RALGAPA2: variants seen among roughly 807,000 people sequenced by gnomAD.
The protein encoded by RALGAPA2 is Ral GTPase activating protein catalytic subunit alpha 2.
A neutral mutation model predicts 230.4 loss-of-function variants in RALGAPA2; 139 were observed. The ratio of observed to expected loss-of-function variants is 0.60; its 90% CI spans 0.53 to 0.69. RALGAPA2 has a LOEUF of 0.69. Ranked by LOEUF, RALGAPA2 falls within the 30% of genes least tolerant of loss-of-function variation. The pLI is 0.00. For missense variants in RALGAPA2, 2,163 were observed against 2,276.0 expected (o/e 0.95, Z 1.01); for synonymous variants, 847 against 837.8 (o/e 1.01, Z -0.19).
chr20:20,499,516 T>C (rs367647333), intron 35 of RALGAPA2, among the ~76,000 whole-genome samples: 3 of 152,210 alleles, frequency 2.0e-5, no homozygotes, highest in Non-Finnish European at 1.5e-5. Context: ...AGGATCCTGG[T>C]AAGCTACACT....
intron 36 of RALGAPA2, among the ~76,000 whole-genome samples, chr20:20,481,887 G>T (rs1179233433): frequency 2.0e-5 from 3 of 152,104 alleles, no homozygotes; most frequent in Non-Finnish European, 4.4e-5. Flanking sequence ...GTGACTAAAA[G>T]GTTCAAATGC....
chr20:20,412,024 C>T lies in RALGAPA2; in HGVS notation c.5617+3G>A. The T allele has an allele frequency of 6.2e-7, 1 of 1,613,944 alleles. No individual in the cohort carries two copies. The highest frequency in any genetic ancestry group is 8.5e-7 in the Non-Finnish European group (1 of 1,179,836). On this transcript the variant is annotated splice_donor_region_variant and intron_variant, in intron 38 of 39. Coordinates refer to ENST00000202677, the MANE Select transcript of RALGAPA2 (RefSeq NM_020343.4). The stretch of plus-strand genomic sequence containing the variant: ...GTGAGAGAAGAATAATGTAGACACT[C>T]ACCCGTTCCGCTGAGGGAGTAGCTG...
At position 20,617,535 on chromosome 20, in the gene RALGAPA2, T is replaced by C. The variant is rs372612366; in HGVS notation, c.1540-1344A>G. ...TATATTGCAACACAGATCCTTTTAA[T>C]TCAATGTATTTGGCTTCTTGAATAT... On this transcript the variant is annotated intron_variant, in intron 12 of 39. Coordinates refer to ENST00000202677, the MANE Select transcript of RALGAPA2 (RefSeq NM_020343.4). Among the ~76,000 whole-genome samples, 27 of 152,352 alleles carry C rather than the reference T, an allele frequency of 1.8e-4. 3 individuals carry two copies. Among genetic ancestry groups the C allele is most frequent in the African/African-American group, 6.5e-4 (27 of 41,596 alleles).
chr20:20,499,634 C>T (rs755711571), intron 35 of RALGAPA2, among the ~76,000 whole-genome samples: 7 of 152,304 alleles, frequency 4.6e-5, no homozygotes, highest in Non-Finnish European at 7.4e-5. Flanking sequence ...TCCTCCAAGA[C>T]GTGTGGGAAC....
At chr20:20,393,677 A>G (rs1297896778) in intron 39 of RALGAPA2, among the ~76,000 whole-genome samples, 2 of 152,240 alleles carry the variant, frequency 1.3e-5, no homozygotes, top group Admixed American at 1.3e-4. Context: ...ACGTGTTTAC[A>G]TATCGATATT....
chr20:20,456,830 T>C (rs1331592045), intron 37 of RALGAPA2, among the ~76,000 whole-genome samples: 2 of 151,946 alleles, frequency 1.3e-5, no homozygotes, highest in African/African-American at 2.4e-5. Flanking sequence ...AAAATCTTTA[T>C]AAAGTTCCTT....
chr20:20,598,855 G>A (rs942670314), intron 16 of RALGAPA2: 5 of 440,920 alleles, frequency 1.1e-5, no homozygotes, highest in African/African-American at 1.0e-4. Flanking sequence ...TATGTCAGAA[G>A]AACAATAGGA....
intron 28 of RALGAPA2, 97 bp downstream of exon 28, chr20:20,526,154 GT>G: frequency 1.0e-6 from 1 of 954,804 alleles, no homozygotes; most frequent in Non-Finnish European, 1.5e-6. Context: ...TTAATAGTTG[GT>G]TCTCTAACAA....
At chr20:20,426,495 A>G (rs1010000603) in intron 37 of RALGAPA2, among the ~76,000 whole-genome samples, 1 of 152,204 alleles carries the variant, frequency 6.6e-6, no homozygotes, top group Non-Finnish European at 1.5e-5. Flanking sequence ...CTGTTTGCTA[A>G]CGAGTCTCTG....
At chr20:20,597,846 T>C (rs2065507006) in intron 16 of RALGAPA2, among the ~76,000 whole-genome samples, 1 of 151,514 alleles carries the variant, frequency 6.6e-6, no homozygotes, top group East Asian at 1.9e-4. Flanking sequence ...CTCAAAAAAA[T>C]CAAAAACAAC....
intron 14 of RALGAPA2, 22 bp from the exon 15 acceptor site, chr20:20,605,434 G>C: frequency 7.9e-6 from 12 of 1,525,152 alleles, no homozygotes; most frequent in Non-Finnish European, 1.1e-5. Context: ...CAACCAACAA[G>C]AGAATTCACA....
At chr20:20,563,973 G>A (rs2064335635) in intron 23 of RALGAPA2, among the ~76,000 whole-genome samples, 1 of 151,806 alleles carries the variant, frequency 6.6e-6, no homozygotes, top group Non-Finnish European at 1.5e-5. Context: ...CTTGCCCCTG[G>A]GCTATTATAA....
intron 16 of RALGAPA2, among the ~76,000 whole-genome samples, chr20:20,599,191 G>T (rs549390133): frequency 1.3e-5 from 2 of 151,976 alleles, no homozygotes; most frequent in East Asian, 3.9e-4. Flanking sequence ...GGTGAGAGAG[G>T]GCATATCTGG....
Position 20,712,456 on chromosome 20 carries a change from C to G in RALGAPA2, c.25G>C (p.Asp9His). 1 of 1,552,466 alleles carries G rather than the reference C, an allele frequency of 6.4e-7. No individual in the cohort carries two copies. The part of the protein sequence containing the change: MFSRRSHG[D>H]VKKSTQKVLD... ...ACCTTCTGGGTGGACTTCTTCACATCCCCGTGGCTCCTTCGGGAGAACATC... is the reference window on the plus strand; with the variant it reads ...ACCTTCTGGGTGGACTTCTTCACATGCCCGTGGCTCCTTCGGGAGAACATC... Residue 9 changes from aspartate to histidine, a missense_variant, in exon 1 of 40, where the codon GAT becomes CAT. Coordinates refer to ENST00000202677, the MANE Select transcript of RALGAPA2 (RefSeq NM_020343.4). This position sits in a 1 kb window ranked among gnomAD's most constrained non-coding sequence, Gnocchi z 5.5.
In RALGAPA2 at chr20:20,437,074, T is replaced by C. The variant is rs2060631907; in HGVS notation, c.5496-24926A>G. On this transcript the variant is annotated intron_variant, in intron 37 of 39. Transcript: ENST00000202677. The surrounding 1 kb of genome is among the most constrained non-coding windows in gnomAD (Gnocchi z 4.1). ...GTGGCCTCCTCTGCACAATGGCATC[T>C]GAACACAAACCATCTGTTCACATGG... is the stretch of plus-strand genomic sequence containing the variant. Among the ~76,000 whole-genome samples the C allele has an allele frequency of 6.6e-6, 1 of 152,228 alleles. No homozygotes were observed. The highest frequency in any genetic ancestry group is 1.5e-5 in the Non-Finnish European group (1 of 68,036).
At chr20:20,707,108 C>A (rs184619753) in intron 1 of RALGAPA2, among the ~76,000 whole-genome samples, 1 of 152,268 alleles carries the variant, frequency 6.6e-6, no homozygotes, top group East Asian at 1.9e-4. Context: ...ATCCCTTCCC[C>A]CTTCCCAATT....
chr20:20,449,112 C>T (rs982800450), intron 37 of RALGAPA2, among the ~76,000 whole-genome samples: 8 of 152,128 alleles, frequency 5.3e-5, no homozygotes, highest in Admixed American at 6.5e-5. Flanking sequence ...GCTTGAATGA[C>T]GCTAAATTGG....
chr20:20,474,278 A>G (rs1187303671), intron 36 of RALGAPA2, among the ~76,000 whole-genome samples: 1 of 152,204 alleles, frequency 6.6e-6, no homozygotes, highest in Non-Finnish European at 1.5e-5. Context: ...ATGTTTAAGC[A>G]ACCATGGCTG....
At chr20:20,464,089 T>C (rs2061362434) in intron 37 of RALGAPA2, among the ~76,000 whole-genome samples, 1 of 152,208 alleles carries the variant, frequency 6.6e-6, no homozygotes, top group African/African-American at 2.4e-5. Flanking sequence ...GAGGCTTTTG[T>C]GCTTGGTGAG....
Sources: gnomAD v4.1 joint callset for allele counts (sites outside exome capture counted in the v4.1 genomes callset) on GRCh38, gnomAD v4.1.1 for gene constraint, Gnocchi (gnomAD v3.1) non-coding constraint, MANE v1.5 for transcripts, NCBI Gene and HGNC (gene_info 2026-07-23, HGNC 2026-07-21) for gene names.